DPP10: variants seen among roughly 807,000 people sequenced by gnomAD.
DPP10 encodes dipeptidyl peptidase like 10, also known as inactive dipeptidyl peptidase 10.
In DPP10, 33 loss-of-function variants were observed where a neutral mutation model predicts 120.9. The observed-to-expected ratio is 0.27, with a 90% CI of 0.21 to 0.37. The LOEUF (loss-of-function observed/expected upper bound fraction) is 0.37, where lower values mean the gene tolerates loss of function less well. Ranked by LOEUF, DPP10 falls within the 10% of genes least tolerant of loss-of-function variation. DPP10 has a pLI of 1.00. For missense variants in DPP10, 816 were observed against 942.8 expected (o/e 0.87, Z 1.76); for synonymous variants, 337 against 326.1 (o/e 1.03, Z -0.36).
intron 1 of DPP10, among the ~76,000 whole-genome samples, chr2:114,822,336 G>A (rs72959602): frequency 0.021 from 3,227 of 152,148 alleles, 106 homozygotes; most frequent in African/African-American, 0.069. Flanking sequence ...CAAATGGAGC[G>A]ACCGAGACAC....
At position 115,135,462 on chromosome 2, in the gene DPP10, C is replaced by T. The variant is rs150177043; in HGVS notation, c.61-173777C>T. Among the ~76,000 whole-genome samples, 1,349 of 152,160 alleles carry T rather than the reference C, an allele frequency of 8.9e-3. 10 individuals carry two copies. Among genetic ancestry groups the T allele is most frequent in the Non-Finnish European group, 0.013 (890 of 68,002 alleles). On this transcript the variant is annotated intron_variant, in intron 1 of 25. Transcript: ENST00000410059. ...TATCCAGAAACCCAGTTTTACATTC[C>T]ATTTTCAAGGTCAGCGAAAAACAGA...
intron 1 of DPP10, among the ~76,000 whole-genome samples, chr2:114,450,377 ATTAT>A (rs1483843636): frequency 6.6e-6 from 1 of 151,984 alleles, no homozygotes. Context: ...TTGAGTTATA[ATTAT>A]TTGTTTCCAT....
At chr2:115,500,218 T>C (rs960111856) in intron 4 of DPP10, among the ~76,000 whole-genome samples, 1 of 152,020 alleles carries the variant, frequency 6.6e-6, no homozygotes, top group African/African-American at 2.4e-5. Context: ...TATAATTACC[T>C]ATTTGGTAAG....
At chr2:115,670,424 A>C (rs1217960509) in intron 5 of DPP10, among the ~76,000 whole-genome samples, 1 of 146,856 alleles carries the variant, frequency 6.8e-6, no homozygotes, top group Non-Finnish European at 1.5e-5. Flanking sequence ...ATTCAAAGAC[A>C]TACTGGTCTA....
At chr2:115,059,376 T>G (rs1211737640) in intron 1 of DPP10, among the ~76,000 whole-genome samples, 1 of 144,880 alleles carries the variant, frequency 6.9e-6, no homozygotes, top group Non-Finnish European at 1.5e-5. Flanking sequence ...TTTGCCTATA[T>G]AATATGCACT....
At chr2:114,464,893 T>C (rs1419111935) in intron 1 of DPP10, among the ~76,000 whole-genome samples, 1 of 152,106 alleles carries the variant, frequency 6.6e-6, no homozygotes, top group African/African-American at 2.4e-5. Context: ...AAATAAATAA[T>C]TATCCATTAT....
intron 1 of DPP10, among the ~76,000 whole-genome samples, chr2:115,087,533 C>CTTTTTTTTTTTTTTTTTTTTT (rs1310507943): frequency 2.2e-5 from 2 of 92,588 alleles, no homozygotes; most frequent in African/African-American, 7.3e-5. Flanking sequence ...CTTTTCTTTT[C>CTTTTTTTTTTTTTTTTTTTTT]TTTTCTTTTT....
chr2:114,916,402 G>T (rs1363214047), intron 1 of DPP10, among the ~76,000 whole-genome samples: 1 of 152,132 alleles, frequency 6.6e-6, no homozygotes, highest in Admixed American at 6.5e-5. Flanking sequence ...GTATACAGAA[G>T]ATCTCATACC....
intron 3 of DPP10, among the ~76,000 whole-genome samples, chr2:115,452,975 C>A (rs539120172): frequency 6.6e-6 from 1 of 151,644 alleles, no homozygotes; most frequent in African/African-American, 2.4e-5. Flanking sequence ...CCTTTCACTA[C>A]GTAAGGATGA....
At chr2:115,333,541 T>C (rs1227500082) in intron 2 of DPP10, among the ~76,000 whole-genome samples, 1 of 152,182 alleles carries the variant, frequency 6.6e-6, no homozygotes, top group African/African-American at 2.4e-5. Flanking sequence ...CAATTTGGCA[T>C]GTTTTTGCAG....
At chr2:114,875,877 C>T (rs757841262) in intron 1 of DPP10, among the ~76,000 whole-genome samples, 3 of 152,062 alleles carry the variant, frequency 2.0e-5, no homozygotes, top group African/African-American at 7.2e-5. Flanking sequence ...ACAAGGGCAT[C>T]TTTAGAGCCC....
At chr2:114,614,628 G>T (rs369249832) in intron 1 of DPP10, among the ~76,000 whole-genome samples, 1 of 152,150 alleles carries the variant, frequency 6.6e-6, no homozygotes, top group African/African-American at 2.4e-5. Context: ...TGTGGTTAAA[G>T]TGGCTTTTTA....
intron 1 of DPP10, among the ~76,000 whole-genome samples, chr2:114,740,728 A>G (rs1244319369): frequency 1.3e-5 from 2 of 152,186 alleles, no homozygotes; most frequent in Non-Finnish European, 2.9e-5. Context: ...AAAGGAAAAT[A>G]TAGCATATTT....
At chr2:115,587,254 C>G (rs951137108) in intron 5 of DPP10, among the ~76,000 whole-genome samples, 3 of 151,918 alleles carry the variant, frequency 2.0e-5, no homozygotes, top group Non-Finnish European at 4.4e-5. Context: ...CCCGCGACCA[C>G]GCCCAGCTAA....
At chr2:115,388,600 T>C (rs890216932) in intron 3 of DPP10, among the ~76,000 whole-genome samples, 4 of 152,214 alleles carry the variant, frequency 2.6e-5, no homozygotes, top group African/African-American at 7.2e-5. Context: ...TTTTTCTTTA[T>C]ATTTGCAAAA....
chr2:115,434,537 T>A (rs1350319898), intron 3 of DPP10, among the ~76,000 whole-genome samples: 2 of 151,826 alleles, frequency 1.3e-5, no homozygotes, highest in Non-Finnish European at 1.5e-5. Flanking sequence ...TTAAAAAAAA[T>A]AATTTTCATT....
chr2:115,807,444 A>G (rs948806800), intron 19 of DPP10, among the ~76,000 whole-genome samples: 1 of 152,198 alleles, frequency 6.6e-6, no homozygotes, highest in African/African-American at 2.4e-5. Context: ...TTGTGTAACA[A>G]TAAGGCTTTC....
chr2:115,045,705 A>G (rs1297863292), intron 1 of DPP10, among the ~76,000 whole-genome samples: 1 of 152,062 alleles, frequency 6.6e-6, no homozygotes, highest in Non-Finnish European at 1.5e-5. Context: ...ACCCTCTTCC[A>G]TGCTTCTTTT....
intron 3 of DPP10, among the ~76,000 whole-genome samples, chr2:115,366,860 A>G (rs1217279537): frequency 1.3e-5 from 2 of 151,984 alleles, no homozygotes; most frequent in Non-Finnish European, 2.9e-5. Flanking sequence ...CTGAAAACAG[A>G]TAGTGTACAT....
Sources: gnomAD v4.1 joint callset for allele counts (sites outside exome capture counted in the v4.1 genomes callset) on GRCh38, gnomAD v4.1.1 for gene constraint, MANE v1.5 for transcripts, NCBI Gene and HGNC (gene_info 2026-07-23, HGNC 2026-07-21) for gene names.